GPC4: variants seen among roughly 807,000 people sequenced by gnomAD.
GPC4 encodes the protein glypican-4.
Under a neutral mutation model 35.0 loss-of-function variants are expected in GPC4, and 10 were observed. That is an observed-to-expected ratio of 0.29 (90% CI 0.18 to 0.48). The LOEUF is 0.48. Among genes scored for constraint, GPC4 ranks in the 20% least tolerant of loss-of-function variants. The pLI, the probability that GPC4 is intolerant of heterozygous loss-of-function variation, is 0.99. For missense variants in GPC4, 322 were observed against 451.3 expected (o/e 0.71, Z 2.60); for synonymous variants, 167 against 170.2 (o/e 0.98, Z 0.15).
chrX:133,386,479 C>G (rs916074651), intron 1 of GPC4, among the ~76,000 whole-genome samples: 5 of 111,186 alleles, frequency 4.5e-5, no homozygotes, highest in Non-Finnish European at 9.4e-5. Context: ...TTTCAAAGAA[C>G]AGCAATAAAG....
intron 1 of GPC4, among the ~76,000 whole-genome samples, chrX:133,411,606 A>G (rs1244911175): frequency 9.0e-6 from 1 of 110,579 alleles, no homozygotes; most frequent in Admixed American, 9.7e-5. Flanking sequence ...GTTGTATTCT[A>G]ATTTTGTGTG....
At chrX:133,404,525 C>G (rs1445753021) in intron 1 of GPC4, among the ~76,000 whole-genome samples, 5 of 71,556 alleles carry the variant, frequency 7.0e-5, no homozygotes, top group African/African-American at 2.7e-4. Flanking sequence ...CCAGCCTGGG[C>G]AATAGAGCAA....
intron 1 of GPC4, among the ~76,000 whole-genome samples, chrX:133,365,425 T>C (rs2068585668): frequency 8.9e-6 from 1 of 111,833 alleles, no homozygotes; most frequent in South Asian, 3.7e-4. Flanking sequence ...TTCTCTGCCC[T>C]CAGGGAGCTC....
chrX:133,327,844 A>G lies in GPC4; in HGVS notation c.320-3308T>C, dbSNP rs1368003944. ...TGCAAATATGAAGACCATTTGGGTGAGCATATGGTTAATAAATGCTTGAGA... is the reference window on the plus strand; with the variant it reads ...TGCAAATATGAAGACCATTTGGGTGGGCATATGGTTAATAAATGCTTGAGA... On this transcript the variant is annotated intron_variant, in intron 2 of 8. Coordinates refer to ENST00000370828, the MANE Select transcript of GPC4 (RefSeq NM_001448.3). Among the ~76,000 whole-genome samples, 4 of 111,590 alleles carry G rather than the reference A, an allele frequency of 3.6e-5. No individual in the cohort carries two copies. The East Asian group carries it at 1.1e-3, about 31-fold the overall frequency.
chrX:133,333,981 C>T (rs1439323325), intron 2 of GPC4, among the ~76,000 whole-genome samples: 1 of 112,169 alleles, frequency 8.9e-6, no homozygotes, highest in Non-Finnish European at 1.9e-5. Context: ...GCTATATAAA[C>T]GACAATTATC....
chrX:133,323,451 G>C (rs769422928), intron 3 of GPC4, among the ~76,000 whole-genome samples: 2 of 111,947 alleles, frequency 1.8e-5, no homozygotes, highest in East Asian at 5.7e-4. Context: ...ACTGCACTCT[G>C]GCCTGGGCAG....
chrX:133,305,933 G>A lies in GPC4; in HGVS notation c.1009-15C>T. On this transcript the variant is annotated splice_polypyrimidine_tract_variant and intron_variant, in intron 5 of 8. Transcript: ENST00000370828. ...CCCTGGAAAACCTGCATTAGAGTAA[G>A]TGTCGTCATGTTAGGGAAGTCACTC... The A allele has an allele frequency of 8.3e-7, 1 of 1,210,901 alleles. No homozygotes were observed. The highest frequency in any genetic ancestry group is 1.1e-6 in the Non-Finnish European group (1 of 895,018).
intron 3 of GPC4, among the ~76,000 whole-genome samples, chrX:133,316,989 A>G (rs2068341634): frequency 8.9e-6 from 1 of 112,475 alleles, no homozygotes; most frequent in African/African-American, 3.2e-5. Flanking sequence ...CATTATTTAC[A>G]TAAGAATTAG....
At chrX:133,371,362 T>C (rs773061913) in intron 1 of GPC4, among the ~76,000 whole-genome samples, 1 of 112,564 alleles carries the variant, frequency 8.9e-6, no homozygotes, top group South Asian at 3.7e-4. Context: ...CTCTGTGTTA[T>C]TTTCTTAAGG....
chrX:133,355,041 C>T (rs1356110219), intron 1 of GPC4, among the ~76,000 whole-genome samples: 2 of 112,143 alleles, frequency 1.8e-5, no homozygotes, highest in Non-Finnish European at 3.8e-5. Flanking sequence ...AAATGTCCAG[C>T]ATTATAAGAC....
intron 1 of GPC4, among the ~76,000 whole-genome samples, chrX:133,345,648 C>G (rs1490543122): frequency 2.7e-5 from 3 of 112,245 alleles, no homozygotes; most frequent in Admixed American, 9.4e-5. Flanking sequence ...CTGTACCTCA[C>G]TTCCGTTTCC....
intron 1 of GPC4, among the ~76,000 whole-genome samples, chrX:133,360,455 G>T (rs1233759544): frequency 4.5e-5 from 5 of 110,154 alleles, no homozygotes; most frequent in African/African-American, 1.3e-4. Flanking sequence ...AACAACCCTA[G>T]AAGTATAGCA....
In GPC4 at chrX:133,320,875, C is replaced by T. The variant is rs924470515; in HGVS notation, c.711+3270G>A. ...ACAAACAACCAACCAACAACAACAA[C>T]AAAAACCCAAAAATTACCCAGGCAT... On this transcript the variant is annotated intron_variant, in intron 3 of 8. Transcript: ENST00000370828. Among the ~76,000 whole-genome samples the T allele has an allele frequency of 7.4e-5, 8 of 108,659 alleles. No homozygotes were observed. In the Admixed American group the frequency reaches 8.0e-4, roughly 11 times the overall value. The allele number at this position is 108,659 out of a possible 115,157, so 94.4% of individuals were successfully genotyped here.
At chrX:133,310,947 T>C (rs748764029) in intron 4 of GPC4, among the ~76,000 whole-genome samples, 4 of 111,036 alleles carry the variant, frequency 3.6e-5, no homozygotes, top group Non-Finnish European at 7.5e-5. Flanking sequence ...AGAGCTATGA[T>C]TGTGCTGCTA....
chrX:133,316,153 G>A (rs1603059933), intron 3 of GPC4, among the ~76,000 whole-genome samples: 1 of 111,463 alleles, frequency 9.0e-6, no homozygotes, highest in Non-Finnish European at 1.9e-5. Context: ...GGATTTTATT[G>A]GTTTCTATGA....
At chrX:133,346,685 A>C (rs761904512) in intron 1 of GPC4, among the ~76,000 whole-genome samples, 8 of 112,488 alleles carry the variant, frequency 7.1e-5, no homozygotes, top group Non-Finnish European at 1.5e-4. Context: ...TGAATGGATA[A>C]ACAAAATGTG....
chrX:133,377,135 G>C (rs1471665505), intron 1 of GPC4, among the ~76,000 whole-genome samples: 1 of 111,654 alleles, frequency 9.0e-6, no homozygotes, highest in Non-Finnish European at 1.9e-5. Context: ...GAGGCATTAG[G>C]GAAAGAGAGA....
intron 3 of GPC4, among the ~76,000 whole-genome samples, chrX:133,315,250 A>G (rs2068332486): frequency 9.1e-6 from 1 of 110,138 alleles, no homozygotes; most frequent in Non-Finnish European, 1.9e-5. Context: ...TCAGATTTAG[A>G]GCATTTCGGA....
intron 4 of GPC4, among the ~76,000 whole-genome samples, chrX:133,309,904 G>A (rs987310759): frequency 2.7e-5 from 3 of 112,031 alleles, no homozygotes; most frequent in Non-Finnish European, 1.9e-5. Context: ...TGTGCCATTT[G>A]GCCTGTATGT....
Sources: gnomAD v4.1 joint callset for allele counts (sites outside exome capture counted in the v4.1 genomes callset) on GRCh38, gnomAD v4.1.1 for gene constraint, MANE v1.5 for transcripts, NCBI Gene and HGNC (gene_info 2026-07-23, HGNC 2026-07-21) for gene names.